ACP2: variants seen among roughly 807,000 people sequenced by gnomAD.
ACP2 encodes the protein acid phosphatase 2, lysosomal, also known as lysosomal acid phosphatase.
ACP2 carries 35 observed loss-of-function variants against 54.7 expected under a neutral mutation model. The observed-to-expected ratio is 0.64, with a 90% CI of 0.49 to 0.85. The LOEUF is 0.85. ACP2 is among the 40% of genes least tolerant of loss of function. The pLI is 0.00. For missense variants in ACP2, 492 were observed against 565.0 expected (o/e 0.87, Z 1.31); for synonymous variants, 210 against 224.4 (o/e 0.94, Z 0.57).
chr11:47,248,761 C>T lies in ACP2; in HGVS notation c.29G>A (p.Arg10Gln), dbSNP rs942825900. The T allele has an allele frequency of 4.4e-6, 7 of 1,601,008 alleles. No individual in the cohort carries two copies. The highest frequency in any genetic ancestry group is 6.0e-6 in the Non-Finnish European group (7 of 1,174,056). The change falls in exon 1 of 11, where the codon CGG becomes CAG. Residue 10 changes from arginine (R) to glutamine (Q), a missense_variant. Coordinates refer to ENST00000672073, the MANE Select transcript of ACP2 (RefSeq NM_001610.4). MAGKRSGWSRAALLQLLLGV... is the reference protein window; with the variant it reads MAGKRSGWSQAALLQLLLGV... ...GAGAAGGAGCTGGAGGAGAGCCGCC[C>T]GGCTCCAGCCGGACCGCTTGCCCGC...
intron 10 of ACP2, among the ~76,000 whole-genome samples, chr11:47,241,490 C>A (rs760026214): frequency 1.3e-5 from 2 of 152,172 alleles, no homozygotes; most frequent in Admixed American, 6.5e-5. Flanking sequence ...GCACTCCAGC[C>A]TGGGCAACAA....
Position 47,239,334 on chromosome 11 carries a change from C to T in ACP2, c.*782G>A. On this transcript the variant is annotated 3_prime_UTR_variant, in exon 11 of 11. Transcript: ENST00000672073. ...CCAATAGGAAACAGCACTATTCATTCTCTGGGAGCTGCCCCAGCCCTATTC... is the reference window on the plus strand; with the variant it reads ...CCAATAGGAAACAGCACTATTCATTTTCTGGGAGCTGCCCCAGCCCTATTC... 1 of 208,036 alleles carries T rather than the reference C, an allele frequency of 4.8e-6. No homozygotes were observed. Among genetic ancestry groups the T allele is most frequent in the Non-Finnish European group, 1.0e-5 (1 of 100,016 alleles). The allele number at this position is 208,036 out of a possible 1,614,324, so 12.9% of individuals were successfully genotyped here. A position where few individuals can be genotyped will look rare whatever the true frequency, so the allele number is the denominator to read the frequency against.
chr11:47,247,708 CA>C lies in ACP2; in HGVS notation c.229del (p.Trp77GlyfsTer15). 1.2e-6 allele frequency: 2 copies of C among 1,613,872 alleles called. No individual in the cohort carries two copies. Among genetic ancestry groups the C allele is most frequent in the Non-Finnish European group, 1.7e-6 (2 of 1,180,030 alleles). On this transcript the variant is annotated frameshift_variant, in exon 3 of 11. Coordinates refer to ENST00000672073, the MANE Select transcript of ACP2 (RefSeq NM_001610.4). LOFTEE classifies it high-confidence loss of function. ...QLTKEGMLQH[W>X]ELGQALRQRY... ...CTGCCGCAGGGCCTGGCCCAGTTCC[CA>C]GTGCTGTAGCATCCCCTCCTGTGGG...
At chr11:47,244,353 A>G (rs1245786578) in intron 7 of ACP2, among the ~76,000 whole-genome samples, 1 of 152,064 alleles carries the variant, frequency 6.6e-6, no homozygotes, top group Non-Finnish European at 1.5e-5. Context: ...CGTTCCTACT[A>G]AAAATACAAA....
intron 5 of ACP2, 39 bp from the exon 6 acceptor site, chr11:47,245,433 GA>G: frequency 2.5e-6 from 4 of 1,614,216 alleles, no homozygotes; most frequent in Non-Finnish European, 3.4e-6. Context: ...CTGCTCTGGG[GA>G]AAAGACAGCG....
At chr11:47,240,295 A>G in intron 10 of ACP2, 46 bp from the exon 11 acceptor site, 3 of 949,748 alleles carry the variant, frequency 3.2e-6, no homozygotes, top group South Asian at 2.6e-5. Flanking sequence ...GCGTTCCATC[A>G]TATGCCAGCT....
chr11:47,247,905 A>T (rs902788301), intron 2 of ACP2, 133 bp downstream of exon 2: 3 of 946,224 alleles, frequency 3.2e-6, no homozygotes, highest in Non-Finnish European at 3.2e-6. Context: ...ACAGAGATTA[A>T]GGTTATGAAA....
At position 47,248,782 on chromosome 11, in the gene ACP2, C is replaced by T; in HGVS notation, c.8G>A (p.Gly3Asp). Residue 3 changes from glycine (G) to aspartate (D), a missense_variant, in exon 1 of 11, where the codon GGC (glycine) becomes GAC (aspartate). Gly to Asp is a moderately conservative substitution (Grantham distance 94). Transcript: ENST00000672073. Reference sequence around the variant, plus strand: ...CGCCCGGCTCCAGCCGGACCGCTTGCCCGCCATCACCGTTGTAATCTATGC... The same window carrying T: ...CGCCCGGCTCCAGCCGGACCGCTTGTCCGCCATCACCGTTGTAATCTATGC... MA[G>D]KRSGWSRAAL... The T allele has an allele frequency of 2.5e-6, 4 of 1,593,636 alleles. No homozygotes were observed. Among genetic ancestry groups the T allele is most frequent in the Non-Finnish European group, 2.6e-6 (3 of 1,169,880 alleles).
At chr11:47,244,088 G>C (rs903994033) in intron 7 of ACP2, among the ~76,000 whole-genome samples, 4 of 152,152 alleles carry the variant, frequency 2.6e-5, no homozygotes, top group African/African-American at 9.7e-5. Flanking sequence ...AATGAGCCGA[G>C]ATCGTGCCAC....
rs756639898 is a variant in ACP2 at position 47,242,777 on chromosome 11, C to G, written c.1084G>C (p.Val362Leu). 4 of 1,614,112 alleles carry G rather than the reference C, an allele frequency of 2.5e-6. No individual in the cohort carries two copies. The highest frequency in any genetic ancestry group is 3.4e-6 in the Non-Finnish European group (4 of 1,179,994). The change falls in exon 10 of 11, where the codon GTG becomes CTG. Residue 362 changes from valine (V) to leucine (L), a missense_variant. By Grantham distance (32) the Val-to-Leu change is conservative (BLOSUM62 1). Transcript: ENST00000672073. The part of the protein sequence containing the change: ...QDFLRLTEPV[V>L]PKDWQQECQL... The stretch of plus-strand genomic sequence containing the variant: ...CACTCCTGCTGCCAATCCTTGGGCA[C>G]GACGGGCTCTGTGAGGCGAAGGAAG...
chr11:47,248,689 C>T lies in ACP2; in HGVS notation c.101G>A (p.Arg34His), dbSNP rs578168521. Residue 34 changes from arginine (R) to histidine (H), a missense_variant, in exon 1 of 11, where the codon CGC (arginine) becomes CAC (histidine). Physicochemically the swap from Arg to His is conservative, Grantham distance 29. Transcript: ENST00000672073. The part of the protein sequence containing the change: ...VMPPTRARSL[R>H]FVTLLYRHGD... ...ATCTCTCATTACCAAGGTAACGAAG[C>T]GCAGACTCCGGGCCCGGGTGGGCGG... 6.2e-7 allele frequency: 1 copy of T among 1,611,654 alleles called. No individual in the cohort carries two copies. The highest frequency in any genetic ancestry group is 2.2e-5 in the East Asian group (1 of 44,774).
Position 47,244,857 on chromosome 11 carries a change from C to CCGTG in ACP2, c.646_649dup (p.Gly217AlafsTer88), listed in dbSNP as rs1443595287. 1.2e-6 allele frequency: 2 copies of CCGTG among 1,607,676 alleles called. No homozygotes were observed. The highest frequency in any genetic ancestry group is 1.7e-5 in the Admixed American group (1 of 59,544). On this transcript the variant is annotated frameshift_variant, in exon 7 of 11. Transcript: ENST00000672073. LOFTEE classifies it high-confidence loss of function. ...TGAGGCCCAGGGCGGCAGGCGCAGC[C>CCGTG]CGTGCGTTTGCTGTGTATCGCAGCA...
intron 3 of ACP2, 53 bp from the exon 4 acceptor site, chr11:47,245,887 G>T: frequency 2.1e-6 from 2 of 960,410 alleles, no homozygotes; most frequent in Non-Finnish European, 2.6e-6. Context: ...TGTGTGTGTT[G>T]GGGAAGTTTT....
Position 47,244,860 on chromosome 11 carries a change from T to C in ACP2, c.647A>G (p.His216Arg). Residue 216 changes from histidine (H) to arginine (R), a missense_variant, in exon 7 of 11, where the codon CAC (histidine) becomes CGC (arginine). Transcript: ENST00000672073. Reference sequence around the variant, plus strand: ...GGCCCAGGGCGGCAGGCGCAGCCCGTGCGTTTGCTGTGTATCGCAGCAGGC... The same window carrying C: ...GGCCCAGGGCGGCAGGCGCAGCCCGCGCGTTTGCTGTGTATCGCAGCAGGC... ...VYDTLFCEQTHGLRLPPWASP... is the reference protein window; with the variant it reads ...VYDTLFCEQTRGLRLPPWASP... 6.2e-7 allele frequency: 1 copy of C among 1,605,516 alleles called. No homozygotes were observed. The highest frequency in any genetic ancestry group is 8.5e-7 in the Non-Finnish European group (1 of 1,174,236).
intron 10 of ACP2, among the ~76,000 whole-genome samples, chr11:47,240,557 C>T (rs1329789310): frequency 6.6e-6 from 1 of 152,152 alleles, no homozygotes. Flanking sequence ...CAGTGGCTCA[C>T]ACCTGTAATC....
chr11:47,243,292 G>A lies in ACP2; in HGVS notation c.802C>T (p.Leu268=), dbSNP rs1410892293. The change falls in exon 8 of 11, where the codon CTG becomes TTG. Residue 268 remains leucine (L), a synonymous_variant. Transcript: ENST00000672073. ...GVLLAQIRKN[L]TLMATTSQLP... ...TGGGAGGTGGTCGCCATTAGGGTCA[G>A]GTTCTTCCTTATCTGAGCCAGCAGG... 6.2e-7 allele frequency: 1 copy of A among 1,614,194 alleles called. No homozygotes were observed. Among genetic ancestry groups the A allele is most frequent in the African/African-American group, 1.3e-5 (1 of 75,044 alleles).
Position 47,242,848 on chromosome 11 carries a change from C to G in ACP2, c.1013G>C (p.Trp338Ser). The change falls in exon 10 of 11, where the codon TGG becomes TCG. Residue 338 changes from tryptophan (W) to serine (S), a missense_variant. Physicochemically the swap from Trp to Ser is radical, Grantham distance 177. Coordinates refer to ENST00000672073, the MANE Select transcript of ACP2 (RefSeq NM_001610.4). ...YFRNESDKAP[W>S]PLSLPGCPHR... is the part of the protein sequence containing the mutation. Reference sequence around the variant, plus strand: ...AGGGCAGCCAGGCAGGCTGAGCGGCCAGGGGGCCTTGTCACTCTCGTTCCG... The same window carrying G: ...AGGGCAGCCAGGCAGGCTGAGCGGCGAGGGGGCCTTGTCACTCTCGTTCCG... The G allele has an allele frequency of 6.2e-7, 1 of 1,614,012 alleles. No individual in the cohort carries two copies. Among genetic ancestry groups the G allele is most frequent in the Non-Finnish European group, 8.5e-7 (1 of 1,179,886 alleles).
chr11:47,246,597 C>A (rs971034351), intron 3 of ACP2, among the ~76,000 whole-genome samples: 1 of 151,030 alleles, frequency 6.6e-6, no homozygotes, highest in East Asian at 1.9e-4. Context: ...TATTTTGGGC[C>A]GGGCACGGTG....
In ACP2 at chr11:47,244,816, G is replaced by GCTGCAT; in HGVS notation, c.685_690dup (p.Met229_Gln230dup). 1 of 1,612,802 alleles carries GCTGCAT rather than the reference G, an allele frequency of 6.2e-7. No individual in the cohort carries two copies. The highest frequency in any genetic ancestry group is 1.1e-5 in the South Asian group (1 of 91,026). ...CTGAAGTCCTTTAGCCGGCTGAGAC[G>GCTGCAT]CTGCATGGTTTGGGGTGAGGCCCAG... On this transcript the variant is annotated inframe_insertion, in exon 7 of 11. Coordinates refer to ENST00000672073, the MANE Select transcript of ACP2 (RefSeq NM_001610.4).
Sources: allele counts gnomAD v4.1 joint callset (sites outside exome capture counted in the v4.1 genomes callset), GRCh38; gene constraint gnomAD v4.1.1; transcripts MANE v1.5; gene names NCBI Gene and HGNC (gene_info 2026-07-23, HGNC 2026-07-21).